Variants in NTNG1 observed in about 807,000 individuals in gnomAD.
NTNG1 encodes netrin G1, also known as netrin-G1.
A neutral mutation model predicts 54.0 loss-of-function variants in NTNG1; 16 were observed. The observed-to-expected ratio is 0.30, with a 90% CI of 0.20 to 0.45. The LOEUF is 0.45. Ranked by LOEUF, NTNG1 falls within the 20% of genes least tolerant of loss-of-function variation. The probability of loss-of-function intolerance (pLI) is 1.00; values close to 1 mark genes in which losing one functional copy is unlikely to be tolerated. For synonymous variants in NTNG1, 255 were observed against 263.1 expected (o/e 0.97, Z 0.30); for missense variants, 530 against 678.7 (o/e 0.78, Z 2.43).
chr1:107,221,446 C>T (rs1433750657), intron 2 of NTNG1, among the ~76,000 whole-genome samples: 10 of 152,168 alleles, frequency 6.6e-5, no homozygotes, highest in Admixed American at 6.5e-4. Flanking sequence ...CTACCTCCAT[C>T]TGCAAGGATT....
intron 2 of NTNG1, among the ~76,000 whole-genome samples, chr1:107,254,945 C>A (rs928705045): frequency 1.3e-5 from 2 of 152,170 alleles, no homozygotes; most frequent in Non-Finnish European, 2.9e-5. Flanking sequence ...ACTAAAGAAT[C>A]TTTCTATGCT....
intron 6 of NTNG1, among the ~76,000 whole-genome samples, chr1:107,431,538 C>A (rs1675266229): frequency 6.6e-6 from 1 of 152,084 alleles, no homozygotes; most frequent in African/African-American, 2.4e-5. Flanking sequence ...TATCTTAGCC[C>A]TGGAAAACTG....
At chr1:107,258,405 C>T (rs374729995) in intron 2 of NTNG1, among the ~76,000 whole-genome samples, 18 of 151,920 alleles carry the variant, frequency 1.2e-4, no homozygotes, top group African/African-American at 4.1e-4. Context: ...CCCCAAAAAA[C>T]CCACCTCTAT....
In NTNG1 at chr1:107,299,647, A is replaced by C. The variant is rs533497286; in HGVS notation, c.247-24635A>C. 2.0e-5 allele frequency among the ~76,000 whole-genome samples: 3 copies of C among 152,296 alleles called. No individual in the cohort carries two copies. In the South Asian group the frequency reaches 6.2e-4, roughly 32 times the overall value. The stretch of plus-strand genomic sequence containing the variant: ...TCACAGCTAGTAAGCAGCAGAGCCA[A>C]CATTCAAATCCAGACAGTCTGACAC... On this transcript the variant is annotated intron_variant, in intron 2 of 7. Transcript: ENST00000370068.
intron 2 of NTNG1, among the ~76,000 whole-genome samples, chr1:107,318,046 T>C (rs1043329936): frequency 3.9e-5 from 6 of 152,288 alleles, no homozygotes; most frequent in East Asian, 3.9e-4. Flanking sequence ...GACAGTCCCA[T>C]AGTATTTAGG....
intron 2 of NTNG1, among the ~76,000 whole-genome samples, chr1:107,267,068 A>G (rs754101763): frequency 6.6e-6 from 1 of 152,228 alleles, no homozygotes. Context: ...AATGTCAAGA[A>G]TATAATTCAG....
At chr1:107,321,819 G>T (rs908864912) in intron 2 of NTNG1, among the ~76,000 whole-genome samples, 2 of 152,026 alleles carry the variant, frequency 1.3e-5, no homozygotes, top group Admixed American at 6.6e-5. Context: ...CTACAACAGG[G>T]CTACAACAGA....
At chr1:107,294,537 G>A (rs4604720) in intron 2 of NTNG1, among the ~76,000 whole-genome samples, 55,675 of 151,910 alleles carry the variant, frequency 0.37, 12,166 homozygotes, top group Non-Finnish European at 0.48. Flanking sequence ...CCTATAATCC[G>A]AAACATATAT....
Position 107,326,763 on chromosome 1 carries a change from G to A in NTNG1, c.887+1841G>A, listed in dbSNP as rs528315369. ...CCTTTATTTGCCACTTGTAAATAAGGCAATCTTCTGAAGCATTTTGGTTGG... is the reference window on the plus strand; with the variant it reads ...CCTTTATTTGCCACTTGTAAATAAGACAATCTTCTGAAGCATTTTGGTTGG... On this transcript the variant is annotated intron_variant, in intron 3 of 7. Transcript: ENST00000370068. 1.7e-4 allele frequency among the ~76,000 whole-genome samples: 26 copies of A among 151,898 alleles called. No individual in the cohort carries two copies. The South Asian group carries it at 5.0e-3, about 29-fold the overall frequency.
chr1:107,366,279 G>A (rs72699397), intron 3 of NTNG1, among the ~76,000 whole-genome samples: 1 of 152,318 alleles, frequency 6.6e-6, no homozygotes, highest in South Asian at 2.1e-4. Flanking sequence ...GGCAGTTGCT[G>A]CTATGGAATA....
chr1:107,319,865 T>TTTTATATA (rs143435452), intron 2 of NTNG1, among the ~76,000 whole-genome samples: 13 of 147,934 alleles, frequency 8.8e-5, no homozygotes, highest in South Asian at 2.1e-4. Flanking sequence ...TACCTGAGGT[T>TTTTATATA]TATATATATA....
At chr1:107,339,948 G>A (rs1668802224) in intron 3 of NTNG1, among the ~76,000 whole-genome samples, 2 of 152,012 alleles carry the variant, frequency 1.3e-5, no homozygotes, top group Admixed American at 1.3e-4. Context: ...AAATTATGAA[G>A]CATCATGGTT....
intron 2 of NTNG1, among the ~76,000 whole-genome samples, chr1:107,280,141 G>C: frequency 7.6e-6 from 1 of 130,900 alleles, no homozygotes; most frequent in Non-Finnish European, 1.6e-5. Context: ...GATGTATGAT[G>C]TGTTTCGGTG....
chr1:107,235,689 C>A (rs1661362619), intron 2 of NTNG1, among the ~76,000 whole-genome samples: 1 of 152,168 alleles, frequency 6.6e-6, no homozygotes. Context: ...GGAAAGTATA[C>A]TCCTTCCACT....
At chr1:107,438,983 C>T (rs1327590072) in intron 7 of NTNG1, among the ~76,000 whole-genome samples, 1 of 152,090 alleles carries the variant, frequency 6.6e-6, no homozygotes, top group East Asian at 1.9e-4. Flanking sequence ...TGAGTACCTA[C>T]CGTGACTTAG....
intron 2 of NTNG1, among the ~76,000 whole-genome samples, chr1:107,171,383 C>T (rs1041233051): frequency 3.3e-5 from 5 of 152,048 alleles, no homozygotes; most frequent in South Asian, 4.1e-4. Context: ...AGATTCCTTC[C>T]GTCCTTCAGC....
At chr1:107,233,283 G>T (rs2101541115) in intron 2 of NTNG1, among the ~76,000 whole-genome samples, 1 of 152,246 alleles carries the variant, frequency 6.6e-6, no homozygotes, top group African/African-American at 2.4e-5. Context: ...TACTTATTGT[G>T]CTTTGTAGAT....
intron 2 of NTNG1, among the ~76,000 whole-genome samples, chr1:107,265,405 A>G (rs1479277234): frequency 2.0e-5 from 3 of 152,184 alleles, no homozygotes; most frequent in Non-Finnish European, 4.4e-5. Flanking sequence ...TTGACAATGA[A>G]TTAAAATGAG....
At chr1:107,449,259 G>T (rs1181950285) in intron 7 of NTNG1, among the ~76,000 whole-genome samples, 1 of 151,918 alleles carries the variant, frequency 6.6e-6, no homozygotes, top group Non-Finnish European at 1.5e-5. Flanking sequence ...ACATCTCGGT[G>T]ACTATATAAA....
Sources: gnomAD v4.1 joint callset for allele counts (sites outside exome capture counted in the v4.1 genomes callset) on GRCh38, gnomAD v4.1.1 for gene constraint, MANE v1.5 for transcripts, NCBI Gene and HGNC (gene_info 2026-07-23, HGNC 2026-07-21) for gene names.